The following SH2D1A variants were observed in gnomAD, a reference collection of about 807,000 sequenced individuals.
The protein encoded by SH2D1A is SH2 domain-containing protein 1A.
SH2D1A carries 6 observed loss-of-function variants against 10.1 expected under a neutral mutation model. The ratio of observed to expected loss-of-function variants is 0.60; its 90% confidence interval spans 0.33 to 1.18. The LOEUF (loss-of-function observed/expected upper bound fraction) is 1.18, where lower values mean the gene tolerates loss of function less well. Among genes scored for constraint, SH2D1A ranks in the 50% most tolerant of loss-of-function variants. The pLI, the probability that SH2D1A is intolerant of heterozygous loss-of-function variation, is 0.04. For missense variants in SH2D1A, 51 were observed against 97.6 expected (o/e 0.52, Z 2.01); for synonymous variants, 42 against 36.9 (o/e 1.14, Z -0.51).
chrX:124,367,691 T>A (rs1205580597), intron 2 of SH2D1A: 1 of 111,860 alleles, frequency 8.9e-6, no homozygotes. Context: ...AAGAGTGTAA[T>A]GAAATCAAAC....
chrX:124,349,952 G>A (rs1048784514), intron 1 of SH2D1A, among the ~76,000 whole-genome samples: 56 of 104,280 alleles, frequency 5.4e-4, no homozygotes, highest in Non-Finnish European at 1.2e-4. Flanking sequence ...AGAAATTAGA[G>A]AAAAATCATC....
chrX:124,363,916 A>AAAAAAAAAAG (rs1569527532), intron 1 of SH2D1A, among the ~76,000 whole-genome samples: 1 of 85,084 alleles, frequency 1.2e-5, no homozygotes. Flanking sequence ...AAAAAAAAAA[A>AAAAAAAAAAG]GAAAGAAAAA....
chrX:124,350,500 TAA>T (rs1285538581), intron 1 of SH2D1A, among the ~76,000 whole-genome samples: 3 of 40,650 alleles, frequency 7.4e-5, no homozygotes, highest in African/African-American at 3.1e-4. Context: ...ATACTATATA[TAA>T]TATATAAATA....
rs188831494 is a variant in SH2D1A, at chrX:124,361,852, G to A, written c.138-3909G>A. On this transcript the variant is annotated intron_variant, in intron 1 of 3. Transcript: ENST00000371139. Reference sequence around the variant, plus strand: ...AAAAGGAGAGAGATGAATTGAAGAAGGAATTGTTAAGCAAAAGGGAACTGG... The same window carrying A: ...AAAAGGAGAGAGATGAATTGAAGAAAGAATTGTTAAGCAAAAGGGAACTGG... Among the ~76,000 whole-genome samples the A allele has an allele frequency of 3.3e-3, 373 of 111,471 alleles. 1 individual carries two copies. The highest frequency in any genetic ancestry group is 0.011 in the African/African-American group (346 of 30,672).
chrX:124,368,533 T>C (rs1039094637), intron 2 of SH2D1A, among the ~76,000 whole-genome samples: 3 of 112,379 alleles, frequency 2.7e-5, no homozygotes, highest in African/African-American at 9.7e-5. Context: ...GTATAGTTTT[T>C]CTTCTGTTTG....
intron 2 of SH2D1A, among the ~76,000 whole-genome samples, chrX:124,366,859 T>C (rs1354948886): frequency 9.0e-5 from 9 of 100,076 alleles, no homozygotes; most frequent in Non-Finnish European, 2.0e-5. Flanking sequence ...GAAAGTTATG[T>C]GTAAAATATA....
At chrX:124,362,859 C>G (rs1264508970) in intron 1 of SH2D1A, among the ~76,000 whole-genome samples, 1 of 110,444 alleles carries the variant, frequency 9.1e-6, no homozygotes, top group Non-Finnish European at 1.9e-5. Context: ...GGGTGGGGCT[C>G]TAATCTGATA....
chrX:124,352,220 G>A (rs1569527330), intron 1 of SH2D1A, among the ~76,000 whole-genome samples: 1 of 110,589 alleles, frequency 9.0e-6, no homozygotes, highest in Admixed American at 9.7e-5. Flanking sequence ...CAGATAGCTA[G>A]CAATTGTCCT....
At position 124,346,762 on chromosome X, in the gene SH2D1A, G is replaced by T. The variant is rs1488638073; in HGVS notation, c.120G>T (p.Val40=). 8.3e-7 allele frequency: 1 copy of T among 1,211,669 alleles called. No homozygotes were observed. The highest frequency in any genetic ancestry group is 2.2e-5 in the Admixed American group (1 of 46,108). The change falls in exon 1 of 4, where the codon GTG becomes GTT. Residue 40 remains valine, a synonymous_variant. Transcript: ENST00000371139. ...GGGACAGCGAGAGCGTGCCAGGCGT[G>T]TACTGCCTATGTGTGCTGTGAGTAT... is the stretch of plus-strand genomic sequence containing the variant. ...LLRDSESVPG[V]YCLCVLYHGY... is the part of the protein sequence containing the mutation.
chrX:124,368,633 CT>C (rs1183788815), intron 2 of SH2D1A, among the ~76,000 whole-genome samples: 1 of 112,446 alleles, frequency 8.9e-6, no homozygotes, highest in Non-Finnish European at 1.9e-5. Flanking sequence ...AGTTCTGCCT[CT>C]GGTTGTCTGT....
At position 124,372,635 on chromosome X, in the gene SH2D1A, G is replaced by A. The variant is rs1317913553; in HGVS notation, c.*1244G>A. On this transcript the variant is annotated 3_prime_UTR_variant, in exon 4 of 4. Coordinates refer to ENST00000371139, the MANE Select transcript of SH2D1A (RefSeq NM_002351.5). ...CTGGTCTTTAGAGGCAGATAGATAGGTCAGTGCAAATACTCTGGTCCATGG... is the reference window on the plus strand; with the variant it reads ...CTGGTCTTTAGAGGCAGATAGATAGATCAGTGCAAATACTCTGGTCCATGG... 5.9e-6 allele frequency: 1 copy of A among 168,937 alleles called. No individual in the cohort carries two copies. The highest frequency in any genetic ancestry group is 1.1e-5 in the Non-Finnish European group (1 of 87,995). The allele number at this position is 168,937 out of a possible 1,213,427, so 13.9% of individuals were successfully genotyped here.
intron 1 of SH2D1A, among the ~76,000 whole-genome samples, chrX:124,359,779 T>C (rs892585270): frequency 1.2e-4 from 13 of 112,505 alleles, no homozygotes; most frequent in African/African-American, 4.2e-4. Flanking sequence ...TAAAACATCA[T>C]ATAATCCACA....
chrX:124,367,495 TGA>T (rs1322983937), intron 2 of SH2D1A: 1 of 112,013 alleles, frequency 8.9e-6, no homozygotes, highest in East Asian at 2.8e-4. Flanking sequence ...AGTGACAGGA[TGA>T]GAGTTGTCAG....
In SH2D1A at chrX:124,372,681, T is replaced by G; in HGVS notation, c.*1290T>G. On this transcript the variant is annotated 3_prime_UTR_variant, in exon 4 of 4. Coordinates refer to ENST00000371139, the MANE Select transcript of SH2D1A (RefSeq NM_002351.5). Reference sequence around the variant, plus strand: ...CATGGGCCATATGAAAAGGCTAAGCTTCACTGTAAAATAATAACTGGGAAT... The same window carrying G: ...CATGGGCCATATGAAAAGGCTAAGCGTCACTGTAAAATAATAACTGGGAAT... The G allele has an allele frequency of 5.9e-6, 1 of 170,052 alleles. No individual in the cohort carries two copies. Among genetic ancestry groups the G allele is most frequent in the African/African-American group, 2.9e-5 (1 of 34,184 alleles). 14.0% of individuals were successfully genotyped at this position (170,052 alleles called of 1,213,427 possible). A position where few individuals can be genotyped will look rare whatever the true frequency, so the allele number is the denominator to read the frequency against.
intron 2 of SH2D1A, 130 bp from the exon 3 acceptor site, chrX:124,370,046 T>A: frequency 1.7e-6 from 1 of 580,168 alleles, no homozygotes; most frequent in Non-Finnish European, 3.0e-6. Context: ...TTTTCCTTCT[T>A]CCTTATGTTT....
chrX:124,350,400 C>A (rs1401946718), intron 1 of SH2D1A, among the ~76,000 whole-genome samples: 1 of 22,666 alleles, frequency 4.4e-5, no homozygotes, highest in Non-Finnish European at 6.9e-5. Context: ...ATATTATATA[C>A]TATATATAAT....
At position 124,372,747 on chromosome X, in the gene SH2D1A, A is replaced by C. The variant is rs995553755; in HGVS notation, c.*1356A>C. ...GGTGTTGGTGAACTTGGTTTTAATT[A>C]GTGAACTGCTGAGAGACAGAGCTAT... is the stretch of plus-strand genomic sequence containing the variant. On this transcript the variant is annotated 3_prime_UTR_variant, in exon 4 of 4. Transcript: ENST00000371139. 6 of 165,942 alleles carry C rather than the reference A, an allele frequency of 3.6e-5. No individual in the cohort carries two copies. The Admixed American group carries it at 4.9e-4, about 13-fold the overall frequency. 13.7% of individuals were successfully genotyped at this position (165,942 alleles called of 1,213,427 possible).
At chrX:124,350,162 TATATATAAATATCTAATATATATA>T (rs2060004186) in intron 1 of SH2D1A, among the ~76,000 whole-genome samples, 1 of 72,032 alleles carries the variant, frequency 1.4e-5, no homozygotes, top group Non-Finnish European at 2.5e-5. Flanking sequence ...TATATTTATA[TATATATAAATATCTAATATATATA>T]ATATATAAAT....
chrX:124,356,299 A>G (rs1027490939), intron 1 of SH2D1A, among the ~76,000 whole-genome samples: 32 of 110,541 alleles, frequency 2.9e-4, no homozygotes, highest in Non-Finnish European at 5.5e-4. Flanking sequence ...AATCCAGTCT[A>G]TCATTGATGG....
Sources: allele counts gnomAD v4.1 joint callset (sites outside exome capture counted in the v4.1 genomes callset), GRCh38; gene constraint gnomAD v4.1.1; transcripts MANE v1.5; gene names NCBI Gene and HGNC (gene_info 2026-07-23, HGNC 2026-07-21).